PRDM1: variants seen among roughly 807,000 people sequenced by gnomAD.
PRDM1 encodes PR/SET domain 1.
Under a neutral mutation model 62.8 loss-of-function variants are expected in PRDM1, and 13 were observed. The observed-to-expected ratio is 0.21, with a 90% confidence interval of 0.13 to 0.33. The LOEUF is 0.33. PRDM1 is among the 10% of genes least tolerant of loss of function. PRDM1 has a pLI of 1.00. For missense variants in PRDM1, 895 were observed against 1,058.8 expected, an observed-to-expected ratio of 0.85 and a Z score of 2.15; for synonymous variants, 396 against 417.6, an observed-to-expected ratio of 0.95 and a Z score of 0.63.
At chr6:106,079,714 C>T (rs965754612) in intron 1 of PRDM1, among the ~76,000 whole-genome samples, 5 of 152,310 alleles carry the variant, frequency 3.3e-5, no homozygotes, top group Non-Finnish European at 7.4e-5. Flanking sequence ...ACAAGAATTG[C>T]TTGAAGCCAG....
At chr6:106,068,001 A>C (rs545254627) in intron 1 of PRDM1, among the ~76,000 whole-genome samples, 25 of 152,308 alleles carry the variant, frequency 1.6e-4, no homozygotes, top group East Asian at 5.8e-4. Flanking sequence ...TTTATTTTGC[A>C]TAGGTAAATA....
chr6:106,054,960 A>G (rs905166727), intron 1 of PRDM1, among the ~76,000 whole-genome samples: 21 of 152,304 alleles, frequency 1.4e-4, no homozygotes, highest in African/African-American at 4.8e-4. Flanking sequence ...CATACACATC[A>G]TTTTACTGAA....
chr6:106,046,083 GAGA>G (rs1442009511), upstream of PRDM1: 1 of 151,676 alleles, frequency 6.6e-6, no homozygotes, highest in African/African-American at 2.4e-5. Context: ...AGCTGCTTTA[GAGA>G]AGAAGGGAAA....
At chr6:106,008,373 A>G (rs2114547902) in intron 1 of PRDM1, among the ~76,000 whole-genome samples, 1 of 152,108 alleles carries the variant, frequency 6.6e-6, no homozygotes, top group African/African-American at 2.4e-5. Context: ...CTCCGTCTCA[A>G]AAAAAAAGAA....
At position 106,027,750 on chromosome 6, in the gene PRDM1, T is replaced by G. The variant is rs190573144; in HGVS notation, c.-67+34111T>G. 9.3e-4 allele frequency among the ~76,000 whole-genome samples: 142 copies of G among 152,284 alleles called. 1 individual carries two copies. Among genetic ancestry groups the G allele is most frequent in the Non-Finnish European group, 7.2e-4 (49 of 68,004 alleles). On this transcript the variant is annotated intron_variant, in intron 1 of 6. Transcript: ENST00000652320. ...CAGTTTTGATTTCATCACTTGAGAG[T>G]GTCCTACAAATGAGGGGCAAAAACC...
intron 1 of PRDM1, among the ~76,000 whole-genome samples, chr6:106,064,487 G>C (rs1032648788): frequency 6.6e-6 from 1 of 152,142 alleles, no homozygotes; most frequent in Non-Finnish European, 1.5e-5. Flanking sequence ...GATGTTTTGA[G>C]GACCACCAGA....
At chr6:106,018,200 T>C (rs376224869) in intron 1 of PRDM1, among the ~76,000 whole-genome samples, 10 of 152,324 alleles carry the variant, frequency 6.6e-5, no homozygotes, top group African/African-American at 2.2e-4. Context: ...ATCAAAGATA[T>C]TTGATATGAA....
chr6:106,055,482 T>G (rs968546001), intron 1 of PRDM1, among the ~76,000 whole-genome samples: 9 of 152,218 alleles, frequency 5.9e-5, no homozygotes, highest in Non-Finnish European at 8.8e-5. Context: ...TAGAACACTT[T>G]AAATGGAAAA....
At chr6:106,042,670 C>A (rs1773020472) in intron 1 of PRDM1, among the ~76,000 whole-genome samples, 1 of 152,142 alleles carries the variant, frequency 6.6e-6, no homozygotes, top group South Asian at 2.1e-4. Flanking sequence ...GAGACAAATT[C>A]TTCTCTTATC....
At chr6:106,007,216 G>A (rs1231047626) in intron 1 of PRDM1, among the ~76,000 whole-genome samples, 1 of 151,816 alleles carries the variant, frequency 6.6e-6, no homozygotes, top group Admixed American at 6.6e-5. Context: ...CGGATCACGA[G>A]GTCAGGAGTT....
chr6:106,033,545 G>A (rs1772879550), intron 1 of PRDM1, among the ~76,000 whole-genome samples: 1 of 151,874 alleles, frequency 6.6e-6, no homozygotes, highest in Admixed American at 6.6e-5. Flanking sequence ...TGAACTCCTG[G>A]CCTCAAGCAA....
At chr6:106,097,979 A>T (rs1475359550) in intron 3 of PRDM1, among the ~76,000 whole-genome samples, 1 of 152,236 alleles carries the variant, frequency 6.6e-6, no homozygotes, top group East Asian at 1.9e-4. Context: ...TTCACAATTT[A>T]CAGGAAGTTA....
At chr6:106,046,659 C>T (rs1308139440), upstream of PRDM1, 1 of 152,102 alleles carries the variant, frequency 6.6e-6, no homozygotes, top group Admixed American at 6.6e-5. Context: ...TTGTGAAGAT[C>T]CACATTCTGG....
intron 1 of PRDM1, among the ~76,000 whole-genome samples, chr6:106,027,264 A>G (rs1405674492): frequency 2.0e-5 from 3 of 152,230 alleles, no homozygotes; most frequent in East Asian, 3.8e-4. Context: ...GTTATAAAGG[A>G]AAAGTATTAA....
chr6:106,038,283 C>G (rs1477761856), intron 1 of PRDM1, among the ~76,000 whole-genome samples: 2 of 151,840 alleles, frequency 1.3e-5, no homozygotes, highest in African/African-American at 4.8e-5. Flanking sequence ...CCATACCCAG[C>G]CTGCTATTTT....
intron 1 of PRDM1, among the ~76,000 whole-genome samples, chr6:106,070,396 T>C (rs756719082): frequency 1.3e-4 from 20 of 152,238 alleles, no homozygotes; most frequent in Non-Finnish European, 2.5e-4. Flanking sequence ...TTTTAAACTT[T>C]TTAAATGCCT....
At chr6:106,001,715 T>C (rs1772426811) in intron 1 of PRDM1, among the ~76,000 whole-genome samples, 1 of 152,194 alleles carries the variant, frequency 6.6e-6, no homozygotes, top group Non-Finnish European at 1.5e-5. Context: ...CCCTGTTCCA[T>C]TACACTGGAG....
intron 3 of PRDM1, 87 bp from the exon 4 acceptor site, chr6:106,099,213 C>T: frequency 6.2e-7 from 1 of 1,602,658 alleles, no homozygotes; most frequent in Non-Finnish European, 8.5e-7. Flanking sequence ...AGAAATCACA[C>T]ACGGTACCGG....
chr6:106,104,908 G>A lies in PRDM1; in HGVS notation c.748G>A (p.Val250Met), dbSNP rs994974998. ...PKNVPKREYS[V>M]KEILKLDSNP... is the part of the protein sequence containing the mutation. ...GAATGTCCCAAAGAGAGAGTACAGC[G>A]TGAAAGAAATCCTAAAATTGGACTC... Residue 250 changes from valine to methionine, a missense_variant, in exon 5 of 7, where the codon GTG (valine) becomes ATG (methionine). Physicochemically the swap from Val to Met is conservative, Grantham distance 21 (BLOSUM62 1). Coordinates refer to ENST00000369096, the MANE Select transcript of PRDM1 (RefSeq NM_001198.4). 6 of 1,613,966 alleles carry A rather than the reference G, an allele frequency of 3.7e-6. No homozygotes were observed. Among genetic ancestry groups the A allele is most frequent in the African/African-American group, 1.3e-5 (1 of 74,870 alleles).
Sources: allele counts gnomAD v4.1 joint callset (sites outside exome capture counted in the v4.1 genomes callset), GRCh38; gene constraint gnomAD v4.1.1; transcripts MANE v1.5; gene names NCBI Gene and HGNC (gene_info 2026-07-23, HGNC 2026-07-21).